Variants in PXDNL observed in about 807,000 individuals in gnomAD.
PXDNL encodes the protein probable oxidoreductase PXDNL.
PXDNL carries 145 observed loss-of-function variants against 150.8 expected under a neutral mutation model. That is an observed-to-expected ratio of 0.96 (90% CI 0.84 to 1.10). The LOEUF (loss-of-function observed/expected upper bound fraction) is 1.10, where lower values mean the gene tolerates loss of function less well. Among genes scored for constraint, PXDNL ranks in the 50% least tolerant of loss-of-function variants. PXDNL has a pLI of 0.00. For synonymous variants in PXDNL, 757 were observed against 725.7 expected (o/e 1.04, Z -0.69); for missense variants, 2,087 against 1,873.9 (o/e 1.11, Z -2.10).
intron 1 of PXDNL, chr8:51,722,134 GC>G (rs1816744393): frequency 6.0e-6 from 1 of 167,200 alleles, no homozygotes; most frequent in Non-Finnish European, 1.3e-5. Flanking sequence ...AGTCGGCTGA[GC>G]TTTCCCTGGT....
chr8:51,408,174 G>A lies in PXDNL; in HGVS notation c.3450C>T (p.Ile1150=), dbSNP rs1808489202. 1.2e-6 allele frequency: 2 copies of A among 1,614,014 alleles called. No individual in the cohort carries two copies. Among genetic ancestry groups the A allele is most frequent in the African/African-American group, 1.3e-5 (1 of 75,060 alleles). The change falls in exon 17 of 23, where the codon ATC becomes ATT. Residue 1150 remains isoleucine, a synonymous_variant. Coordinates refer to ENST00000356297, the MANE Select transcript of PXDNL (RefSeq NM_144651.5). ...AAACTCTGAAGTCAACATATGGTGG[G>A]ATCCCGTGGTCTCTACCCCTTTGAA... ...TIIQRGRDHG[I]PPYVDFRVFC... is the part of the protein sequence containing the mutation.
At chr8:51,566,210 A>G (rs7843307) in intron 3 of PXDNL, among the ~76,000 whole-genome samples, 10,781 of 151,878 alleles carry the variant, frequency 0.071, 984 homozygotes, top group African/African-American at 0.22. Context: ...GAGGATTCTT[A>G]CATTTATATT....
chr8:51,323,924 AT>A (rs33920569), intron 21 of PXDNL, among the ~76,000 whole-genome samples: 47,860 of 148,574 alleles, frequency 0.32, 9,210 homozygotes, highest in African/African-American at 0.55. Context: ...CTCAAAAAAA[AT>A]AAAATAAAAT....
At chr8:51,464,944 A>T (rs1810170908) in intron 8 of PXDNL, among the ~76,000 whole-genome samples, 1 of 152,254 alleles carries the variant, frequency 6.6e-6, no homozygotes, top group Non-Finnish European at 1.5e-5. Context: ...GGCTTGGACT[A>T]CATGGAGTCA....
At chr8:51,388,448 T>A (rs1327140026) in intron 17 of PXDNL, among the ~76,000 whole-genome samples, 1 of 152,224 alleles carries the variant, frequency 6.6e-6, no homozygotes, top group Non-Finnish European at 1.5e-5. Context: ...AAATATCTGC[T>A]ATGCTCATCC....
At chr8:51,324,159 T>G (rs954093862) in intron 21 of PXDNL, among the ~76,000 whole-genome samples, 1 of 152,220 alleles carries the variant, frequency 6.6e-6, no homozygotes, top group African/African-American at 2.4e-5. Flanking sequence ...CTTGCTCAAC[T>G]CATGTATTCA....
intron 2 of PXDNL, among the ~76,000 whole-genome samples, chr8:51,605,089 G>A (rs556824971): frequency 1.3e-5 from 2 of 152,240 alleles, no homozygotes; most frequent in South Asian, 2.1e-4. Flanking sequence ...GCGATCAGCA[G>A]CTAGTAATTT....
intron 1 of PXDNL, among the ~76,000 whole-genome samples, chr8:51,709,768 G>T (rs910708536): frequency 3.9e-5 from 6 of 152,264 alleles, no homozygotes; most frequent in Admixed American, 3.9e-4. Flanking sequence ...ATGTATATAT[G>T]TATGTACCAA....
chr8:51,656,831 A>G (rs1815159871), intron 1 of PXDNL, among the ~76,000 whole-genome samples: 1 of 152,180 alleles, frequency 6.6e-6, no homozygotes, highest in Non-Finnish European at 1.5e-5. Context: ...TTGTAGATAA[A>G]ATGAACATCT....
intron 1 of PXDNL, among the ~76,000 whole-genome samples, chr8:51,774,643 C>T (rs897245623): frequency 1.3e-5 from 2 of 151,946 alleles, no homozygotes; most frequent in Non-Finnish European, 2.9e-5. Context: ...ACAGTGAAAC[C>T]CTGTCTCTAC....
At chr8:51,582,005 C>T (rs113199634) in intron 3 of PXDNL, among the ~76,000 whole-genome samples, 7,758 of 151,984 alleles carry the variant, frequency 0.051, 463 homozygotes, top group African/African-American at 0.15. Context: ...TTAAAGCAGG[C>T]TACAAAATGA....
chr8:51,705,955 C>A (rs1333704926), intron 1 of PXDNL, among the ~76,000 whole-genome samples: 4 of 152,178 alleles, frequency 2.6e-5, no homozygotes, highest in African/African-American at 7.2e-5. Flanking sequence ...AAGTTAGAAG[C>A]AGTATTTAAA....
chr8:51,553,947 C>T (rs1349686652), intron 4 of PXDNL, among the ~76,000 whole-genome samples: 1 of 151,978 alleles, frequency 6.6e-6, no homozygotes, highest in Admixed American at 6.6e-5. Context: ...GGAGTTTATA[C>T]ATCCACATTT....
At chr8:51,460,851 T>C (rs1810060726) in intron 8 of PXDNL, among the ~76,000 whole-genome samples, 1 of 152,066 alleles carries the variant, frequency 6.6e-6, no homozygotes, top group African/African-American at 2.4e-5. Flanking sequence ...TGACCATAGG[T>C]GCCCATGCCC....
chr8:51,665,129 C>T (rs1230833351), intron 1 of PXDNL, among the ~76,000 whole-genome samples: 1 of 152,142 alleles, frequency 6.6e-6, no homozygotes, highest in Non-Finnish European at 1.5e-5. Flanking sequence ...CAAATTTACC[C>T]TTCCTTTCCT....
intron 2 of PXDNL, among the ~76,000 whole-genome samples, chr8:51,611,275 G>T (rs1289448334): frequency 6.6e-6 from 1 of 151,984 alleles, no homozygotes; most frequent in African/African-American, 2.4e-5. Flanking sequence ...ATTAGAAACA[G>T]AAATAAGTAT....
intron 1 of PXDNL, among the ~76,000 whole-genome samples, chr8:51,668,176 C>CTTTTTTTTTTT (rs71550279): frequency 0.066 from 5,072 of 77,246 alleles, 1,501 homozygotes; most frequent in African/African-American, 0.24. Context: ...CTCGCTCTCT[C>CTTTTTTTTTTT]TTTTTTTTTT....
chr8:51,345,814 G>T lies in PXDNL; in HGVS notation c.4016+19C>A. 3 of 1,445,856 alleles carry T rather than the reference G, an allele frequency of 2.1e-6. No homozygotes were observed. The highest frequency in any genetic ancestry group is 2.9e-6 in the Non-Finnish European group (3 of 1,032,638). 89.6% of individuals were successfully genotyped at this position (1,445,856 alleles called of 1,614,324 possible). A position where few individuals can be genotyped will look rare whatever the true frequency, so the allele number is the denominator to read the frequency against. ...TCTATAGTAAGTTGCCTAAAGAAATGAGATATTTCTATACATACCTACTTC... is the reference window on the plus strand; with the variant it reads ...TCTATAGTAAGTTGCCTAAAGAAATTAGATATTTCTATACATACCTACTTC... On this transcript the variant is annotated intron_variant, in intron 20 of 22. Coordinates refer to ENST00000356297, the MANE Select transcript of PXDNL (RefSeq NM_144651.5).
chr8:51,638,037 G>A (rs999693097), intron 2 of PXDNL, among the ~76,000 whole-genome samples: 12 of 152,134 alleles, frequency 7.9e-5, no homozygotes, highest in Admixed American at 2.0e-4. Context: ...AGAGACTGGC[G>A]GCGAATATTC....
Sources: gnomAD v4.1 joint callset for allele counts (sites outside exome capture counted in the v4.1 genomes callset) on GRCh38, gnomAD v4.1.1 for gene constraint, MANE v1.5 for transcripts, NCBI Gene and HGNC (gene_info 2026-07-23, HGNC 2026-07-21) for gene names.